TRMT11: variants seen among roughly 807,000 people sequenced by gnomAD.
TRMT11 encodes tRNA methyltransferase 11, also known as tRNA (guanine(10)-N(2))-methyltransferase TRMT11.
In TRMT11, 53 loss-of-function variants were observed where a neutral mutation model predicts 62.8. The ratio of observed to expected loss-of-function variants is 0.84; its 90% CI spans 0.68 to 1.06. TRMT11 has a LOEUF of 1.06. TRMT11 is among the 50% of genes least tolerant of loss of function. The pLI is 0.00. For synonymous variants in TRMT11, 188 were observed against 190.3 expected (o/e 0.99, Z 0.10); for missense variants, 556 against 553.4 (o/e 1.00, Z -0.05).
intron 12 of TRMT11, among the ~76,000 whole-genome samples, chr6:126,035,113 A>G (rs1040761353): frequency 6.6e-6 from 1 of 152,078 alleles, no homozygotes; most frequent in Non-Finnish European, 1.5e-5. Context: ...AATGCTGCAT[A>G]GAGTATAGTA....
chr6:126,011,131 A>T, intron 8 of TRMT11, 122 bp from the exon 9 acceptor site: 1 of 808,836 alleles, frequency 1.2e-6, no homozygotes, highest in Non-Finnish European at 1.8e-6. Flanking sequence ...TTAAGATTTT[A>T]AATGAAAGCA....
At chr6:126,211,615 C>A in the TRMT11 span, among the ~76,000 whole-genome samples, 2 of 151,052 alleles carry the variant, frequency 1.3e-5, no homozygotes, top group African/African-American at 4.8e-5. Flanking sequence ...CTCCATTTTT[C>A]TTTATATTTT....
At chr6:126,038,588 A>G (rs1353849149) in intron 12 of TRMT11, 117 bp from the exon 13 acceptor site, 1 of 758,828 alleles carries the variant, frequency 1.3e-6, no homozygotes, top group African/African-American at 1.8e-5. Flanking sequence ...GTGAAGGAAG[A>G]TAAATATGCA....
At chr6:126,206,706 T>C (rs1357007234), downstream of TRMT11, among the ~76,000 whole-genome samples, 1 of 152,210 alleles carries the variant, frequency 6.6e-6, no homozygotes, top group Non-Finnish European at 1.5e-5. Context: ...GTCTCTGTGA[T>C]AAAGGATTGA....
At chr6:126,075,297 G>T (rs1583865099) in intron 17 of TRMT11, among the ~76,000 whole-genome samples, 1 of 152,024 alleles carries the variant, frequency 6.6e-6, no homozygotes, top group South Asian at 2.1e-4. Context: ...GCTCTGCAGG[G>T]GCTGTGAAAT....
chr6:126,017,843 G>A (rs185335137), intron 11 of TRMT11, among the ~76,000 whole-genome samples: 16 of 152,282 alleles, frequency 1.1e-4, no homozygotes, highest in African/African-American at 3.6e-4. Flanking sequence ...ATTATGTGTT[G>A]CAATCATGTG....
At chr6:125,993,906 T>A in intron 2 of TRMT11, 84 bp downstream of exon 2, 2 of 756,774 alleles carry the variant, frequency 2.6e-6, no homozygotes. Context: ...ATATCTTAAA[T>A]TTATATTTGT....
chr6:126,119,561 C>T (rs1256455039), intron 21 of TRMT11, among the ~76,000 whole-genome samples: 10 of 151,282 alleles, frequency 6.6e-5, no homozygotes, highest in East Asian at 3.9e-4. Flanking sequence ...AGAAGAAAAC[C>T]GATGCATGGA....
intron 12 of TRMT11, among the ~76,000 whole-genome samples, chr6:126,030,952 C>A (rs911028394): frequency 6.6e-6 from 1 of 152,062 alleles, no homozygotes; most frequent in African/African-American, 2.4e-5. Context: ...TGAAGGGACA[C>A]CAGGAGAGAA....
chr6:126,050,206 T>C (rs1776173974), intron 16 of TRMT11, among the ~76,000 whole-genome samples: 1 of 151,888 alleles, frequency 6.6e-6, no homozygotes, highest in Non-Finnish European at 1.5e-5. Context: ...GGCACACACC[T>C]GTAATCCCAG....
At chr6:126,251,696 A>G in the TRMT11 span, among the ~76,000 whole-genome samples, 2 of 152,194 alleles carry the variant, frequency 1.3e-5, no homozygotes, top group Non-Finnish European at 2.9e-5. Context: ...TCAGATTTAC[A>G]TATAAATGAG....
chr6:126,043,364 C>T (rs1407801496), downstream of TRMT11, among the ~76,000 whole-genome samples: 18 of 151,650 alleles, frequency 1.2e-4, no homozygotes, highest in Middle Eastern at 3.4e-3. Context: ...TCATCCATGT[C>T]CCTACAAAGG....
At chr6:126,194,320 T>A (rs1025579408) in intron 1 of TRMT11, among the ~76,000 whole-genome samples, 16 of 152,210 alleles carry the variant, frequency 1.1e-4, no homozygotes, top group South Asian at 4.1e-4. Flanking sequence ...GCTTTATATG[T>A]TTGAGTTCTT....
intron 17 of TRMT11, among the ~76,000 whole-genome samples, chr6:126,089,248 G>C (rs1219461906): frequency 6.6e-6 from 1 of 151,730 alleles, no homozygotes; most frequent in Non-Finnish European, 1.5e-5. Flanking sequence ...TGAGTAGCTG[G>C]GATTACAGGC....
At chr6:126,064,674 A>G (rs1206500067) in intron 17 of TRMT11, among the ~76,000 whole-genome samples, 1 of 151,598 alleles carries the variant, frequency 6.6e-6, no homozygotes, top group Non-Finnish European at 1.5e-5. Flanking sequence ...TGCAAATACC[A>G]GGTCAGACAC....
At chr6:126,034,530 T>C (rs1458401578) in intron 12 of TRMT11, among the ~76,000 whole-genome samples, 1 of 152,156 alleles carries the variant, frequency 6.6e-6, no homozygotes, top group African/African-American at 2.4e-5. Flanking sequence ...GTATAGTCAA[T>C]AGTCTTAATA....
chr6:125,986,955 C>T, intron 1 of TRMT11: 1 of 319,470 alleles, frequency 3.1e-6, no homozygotes, highest in Non-Finnish European at 5.8e-6. Context: ...AATGCTCAGG[C>T]TGGTGTTTGA....
chr6:126,214,523 T>C, the TRMT11 span, among the ~76,000 whole-genome samples: 1 of 152,078 alleles, frequency 6.6e-6, no homozygotes, highest in African/African-American at 2.4e-5. Flanking sequence ...TATTGGCACG[T>C]AGTTGCTCAT....
intron 17 of TRMT11, among the ~76,000 whole-genome samples, chr6:126,080,461 A>G (rs138966532): frequency 9.9e-4 from 151 of 152,242 alleles, no homozygotes; most frequent in African/African-American, 3.4e-3. Flanking sequence ...TCACTCACCA[A>G]GTATACTGAC....
Sources: gnomAD v4.1 joint callset for allele counts (sites outside exome capture counted in the v4.1 genomes callset) on GRCh38, gnomAD v4.1.1 for gene constraint, MANE v1.5 for transcripts, NCBI Gene and HGNC (gene_info 2026-07-23, HGNC 2026-07-21) for gene names.